The following ANKS1B variants were observed in gnomAD, a reference collection of about 807,000 sequenced individuals.
ANKS1B encodes ankyrin repeat and sterile alpha motif domain containing 1B.
ANKS1B carries 36 observed loss-of-function variants against 148.3 expected under a neutral mutation model. The ratio of observed to expected loss-of-function variants is 0.24; its 90% confidence interval spans 0.19 to 0.32. The LOEUF is 0.32. Among genes scored for constraint, ANKS1B ranks in the 10% least tolerant of loss-of-function variants. ANKS1B has a pLI of 1.00. For missense variants in ANKS1B, 1,157 were observed against 1,542.6 expected (o/e 0.75, Z 4.19); for synonymous variants, 542 against 560.8 (o/e 0.97, Z 0.47).
chr12:98,748,605 G>A (rs1324408731), intron 26 of ANKS1B, among the ~76,000 whole-genome samples: 1 of 152,178 alleles, frequency 6.6e-6, no homozygotes, highest in East Asian at 1.9e-4. Flanking sequence ...TAAAGCTGTG[G>A]GGAGGACCTC....
intron 9 of ANKS1B, chr12:99,648,769 G>GAAGT (rs1202046680): frequency 3.7e-6 from 6 of 1,611,966 alleles, no homozygotes; most frequent in Admixed American, 1.7e-5. Flanking sequence ...TGTGTTGGAG[G>GAAGT]AAGTGCAGAG....
chr12:99,733,959 T>C (rs890363994), intron 8 of ANKS1B, among the ~76,000 whole-genome samples: 2 of 152,320 alleles, frequency 1.3e-5, no homozygotes, highest in Non-Finnish European at 2.9e-5. Flanking sequence ...ACTTTCCATA[T>C]AGCTTTGCAA....
intron 11 of ANKS1B, among the ~76,000 whole-genome samples, chr12:99,440,857 C>A (rs1454290565): frequency 2.0e-5 from 3 of 151,708 alleles, no homozygotes; most frequent in Non-Finnish European, 4.4e-5. Flanking sequence ...GAAAAGGAAC[C>A]AATTTGCTAC....
At chr12:99,512,289 C>T (rs571130211) in intron 9 of ANKS1B, among the ~76,000 whole-genome samples, 2 of 151,880 alleles carry the variant, frequency 1.3e-5, no homozygotes, top group African/African-American at 4.8e-5. Context: ...CATTGTCCAA[C>T]GAACATGAAA....
intron 17 of ANKS1B, among the ~76,000 whole-genome samples, chr12:98,845,583 T>C (rs1387040716): frequency 6.6e-6 from 1 of 152,238 alleles, no homozygotes; most frequent in Admixed American, 6.5e-5. Flanking sequence ...AATGATTCTG[T>C]TGATTTTTAT....
intron 8 of ANKS1B, among the ~76,000 whole-genome samples, chr12:99,719,435 C>G (rs2057826090): frequency 6.6e-6 from 1 of 152,052 alleles, no homozygotes; most frequent in South Asian, 2.1e-4. Flanking sequence ...CTCCATTTTC[C>G]CATATTCTTT....
chr12:99,631,010 G>T (rs2098154448), intron 9 of ANKS1B, among the ~76,000 whole-genome samples: 2 of 152,122 alleles, frequency 1.3e-5, no homozygotes, highest in South Asian at 4.1e-4. Flanking sequence ...GCTTTATAAA[G>T]GGGAGTTCTC....
At chr12:98,830,152 C>G (rs1375406969) in intron 18 of ANKS1B, among the ~76,000 whole-genome samples, 1 of 152,082 alleles carries the variant, frequency 6.6e-6, no homozygotes, top group Non-Finnish European at 1.5e-5. Context: ...GGGTAAGTAG[C>G]AGGAAATGAC....
At chr12:99,821,083 G>A (rs1443156894) in intron 2 of ANKS1B, among the ~76,000 whole-genome samples, 1 of 151,966 alleles carries the variant, frequency 6.6e-6, no homozygotes, top group African/African-American at 2.4e-5. Flanking sequence ...TAGCATCATA[G>A]TGCATAACTG....
chr12:98,783,334 G>A (rs1304884761), intron 22 of ANKS1B, among the ~76,000 whole-genome samples: 1 of 152,202 alleles, frequency 6.6e-6, no homozygotes, highest in Non-Finnish European at 1.5e-5. Context: ...ATTCTGAGCT[G>A]TGTCTGAGCT....
intron 1 of ANKS1B, among the ~76,000 whole-genome samples, chr12:99,831,264 T>C (rs1418768559): frequency 6.6e-6 from 1 of 151,348 alleles, no homozygotes; most frequent in Non-Finnish European, 1.5e-5. Flanking sequence ...TACCATTATA[T>C]ATTTCTTTAT....
chr12:99,710,750 T>C (rs564003152), intron 8 of ANKS1B, among the ~76,000 whole-genome samples: 1 of 152,216 alleles, frequency 6.6e-6, no homozygotes, highest in South Asian at 2.1e-4. Context: ...CCTGTTTGCA[T>C]TTCCGTTTAT....
In ANKS1B at chr12:99,234,875, T is replaced by C. The variant is rs545248628; in HGVS notation, c.2419+9467A>G. Among the ~76,000 whole-genome samples the C allele has an allele frequency of 2.6e-5, 4 of 152,210 alleles. No individual in the cohort carries two copies. In the South Asian group the frequency reaches 6.2e-4, roughly 24 times the overall value. On this transcript the variant is annotated intron_variant, in intron 14 of 26. Coordinates refer to ENST00000683438, the MANE Select transcript of ANKS1B (RefSeq NM_001352186.2). ...TCACACCTCTAATTAAACCTACCCT[T>C]GAGAGGGAAAAAACTGCAACTCAGC...
chr12:99,624,983 A>G (rs1158653922), intron 9 of ANKS1B, among the ~76,000 whole-genome samples: 3 of 152,136 alleles, frequency 2.0e-5, no homozygotes, highest in Non-Finnish European at 1.5e-5. Context: ...CACTGAAAAC[A>G]TGGAATCAAC....
chr12:99,135,309 A>G lies in ANKS1B; in HGVS notation c.2526+18980T>C, dbSNP rs998054769. ...GGAAGAAATCCAACACCTGCCTAGG[A>G]AGATTTCACAAAAAAGGCAATTGAA... On this transcript the variant is annotated intron_variant, in intron 15 of 26. Transcript: ENST00000683438. 1.2e-4 allele frequency among the ~76,000 whole-genome samples: 18 copies of G among 152,236 alleles called. 1 individual carries two copies. Among genetic ancestry groups the G allele is most frequent in the African/African-American group, 4.3e-4 (18 of 41,458 alleles).
At chr12:99,268,172 A>G (rs1010808480) in intron 12 of ANKS1B, among the ~76,000 whole-genome samples, 6 of 152,182 alleles carry the variant, frequency 3.9e-5, no homozygotes, top group Admixed American at 2.0e-4. Flanking sequence ...AAAGCCATCT[A>G]TATCATTCTT....
chr12:99,697,587 A>C (rs1466739773), intron 8 of ANKS1B, among the ~76,000 whole-genome samples: 1 of 152,186 alleles, frequency 6.6e-6, no homozygotes, highest in Non-Finnish European at 1.5e-5. Context: ...TGGGGGATAA[A>C]GCAAGGGATG....
chr12:99,514,044 CTAAATAG>C (rs1469094944), intron 9 of ANKS1B, among the ~76,000 whole-genome samples: 1 of 151,918 alleles, frequency 6.6e-6, no homozygotes, highest in Non-Finnish European at 1.5e-5. Context: ...CATTAATGAT[CTAAATAG>C]TAAATTCATT....
intron 14 of ANKS1B, among the ~76,000 whole-genome samples, chr12:99,197,952 T>C (rs982425926): frequency 6.6e-6 from 1 of 152,162 alleles, no homozygotes; most frequent in Admixed American, 6.6e-5. Flanking sequence ...TTTCTTGATT[T>C]TGTACTTTCT....
Sources: gnomAD v4.1 joint callset for allele counts (sites outside exome capture counted in the v4.1 genomes callset) on GRCh38, gnomAD v4.1.1 for gene constraint, MANE v1.5 for transcripts, NCBI Gene and HGNC (gene_info 2026-07-23, HGNC 2026-07-21) for gene names.